The following HSPA6 variants were observed in gnomAD, a reference collection of about 807,000 sequenced individuals.
The protein encoded by HSPA6 is heat shock protein family A (Hsp70) member 6.
For missense variants in HSPA6, 718 were observed against 860.9 expected, an observed-to-expected ratio of 0.83 and a Z score of 2.08; for synonymous variants, 312 against 368.2, an observed-to-expected ratio of 0.85 and a Z score of 1.75.
At position 161,524,566 on chromosome 1, in the gene HSPA6, A is replaced by T; in HGVS notation, c.-93A>T. 1 of 1,403,396 alleles carries T rather than the reference A, an allele frequency of 7.1e-7. No individual in the cohort carries two copies. The highest frequency in any genetic ancestry group is 9.7e-7 in the Non-Finnish European group (1 of 1,027,912). 86.9% of individuals were successfully genotyped at this position (1,403,396 alleles called of 1,614,324 possible). A position where few individuals can be genotyped will look rare whatever the true frequency, so the allele number is the denominator to read the frequency against. On this transcript the variant is annotated 5_prime_UTR_variant, in exon 1 of 1. Coordinates refer to ENST00000309758, the MANE Select transcript of HSPA6 (RefSeq NM_002155.5). ...GATCCGAGCCGGGCTGGCTGCAGAG[A>T]AACCGCAGGGAGAGCCTCACTGCTG...
rs11577457 is a variant in HSPA6, at chr1:161,525,976, G to A, written c.1318G>A (p.Val440Ile). The A allele has an allele frequency of 1.1e-4, 170 of 1,613,610 alleles. 1 individual carries two copies. The highest frequency in any genetic ancestry group is 1.4e-4 in the Non-Finnish European group (160 of 1,179,872). The change falls in exon 1 of 1, where the codon GTC becomes ATC. Residue 440 changes from valine to isoleucine, a missense_variant. Transcript: ENST00000309758. ...FTTYSDNQPG[V>I]FIQVYEGERA... ...CACCTACTCGGACAACCAGCCTGGGGTCTTCATCCAGGTGTATGAGGGTGA... is the reference window on the plus strand; with the variant it reads ...CACCTACTCGGACAACCAGCCTGGGATCTTCATCCAGGTGTATGAGGGTGA...
Position 161,525,829 on chromosome 1 carries a change from C to T in HSPA6, c.1171C>T (p.Gln391Ter), listed in dbSNP as rs748002346. The T allele has an allele frequency of 8.8e-6, 14 of 1,594,014 alleles. No individual in the cohort carries two copies. Among genetic ancestry groups the T allele is most frequent in the Admixed American group, 1.8e-5 (1 of 57,034 alleles). ...GATGGGGGACAAATGTGAGAAAGTG[C>T]AGGATCTCCTGCTGCTGGATGTGGC... ...VLMGDKCEKV[Q>*]DLLLLDVAPL... Residue 391 changes from glutamine (Q) to a stop codon, truncating the protein, a stop_gained, in exon 1 of 1, where the codon CAG (glutamine) becomes TAG (stop). Coordinates refer to ENST00000309758, the MANE Select transcript of HSPA6 (RefSeq NM_002155.5). LOFTEE classifies it low-confidence loss of function (END_TRUNC).
rs1015254375 is a variant in HSPA6, at chr1:161,526,189, C to T, written c.1531C>T (p.Arg511Trp). ...GATCACCATCACCAATGACAAGGGC[C>T]GGCTGAGCAAGGAGGAGGTGGAGAG... ...NKITITNDKGRLSKEEVERMV... is the reference protein window; with the variant it reads ...NKITITNDKGWLSKEEVERMV... Residue 511 changes from arginine (R) to tryptophan (W), a missense_variant, in exon 1 of 1, where the codon CGG (arginine) becomes TGG (tryptophan). Transcript: ENST00000309758. 16 of 1,613,656 alleles carry T rather than the reference C, an allele frequency of 9.9e-6. No homozygotes were observed. Among genetic ancestry groups the T allele is most frequent in the African/African-American group, 8.0e-5 (6 of 74,794 alleles).
Position 161,525,961 on chromosome 1 carries a change from G to C in HSPA6, c.1303G>C (p.Asp435His), listed in dbSNP as rs745403310. 30 of 1,613,366 alleles carry C rather than the reference G, an allele frequency of 1.9e-5. No homozygotes were observed. The highest frequency in any genetic ancestry group is 2.3e-5 in the Non-Finnish European group (27 of 1,179,770). The stretch of plus-strand genomic sequence containing the variant: ...GACCCAGACTTTCACCACCTACTCG[G>C]ACAACCAGCCTGGGGTCTTCATCCA... Reference protein sequence around the residue: ...KQTQTFTTYSDNQPGVFIQVY... With the variant: ...KQTQTFTTYSHNQPGVFIQVY... The change falls in exon 1 of 1, where the codon GAC (aspartate) becomes CAC (histidine). Residue 435 changes from aspartate (D) to histidine (H), a missense_variant. Physicochemically the swap from Asp to His is moderately conservative, Grantham distance 81. Transcript: ENST00000309758.
chr1:161,525,957 C>T lies in HSPA6; in HGVS notation c.1299C>T (p.Tyr433=). The T allele has an allele frequency of 6.2e-7, 1 of 1,613,484 alleles. No individual in the cohort carries two copies. ...AGCAGACCCAGACTTTCACCACCTA[C>T]TCGGACAACCAGCCTGGGGTCTTCA... ...PTKQTQTFTT[Y]SDNQPGVFIQ... The change falls in exon 1 of 1, where the codon TAC becomes TAT. Residue 433 remains tyrosine (Y), a synonymous_variant. Transcript: ENST00000309758.
chr1:161,526,401 C>T lies in HSPA6; in HGVS notation c.1743C>T (p.Ala581=), dbSNP rs1365529634. 1 of 1,593,942 alleles carries T rather than the reference C, an allele frequency of 6.3e-7. No individual in the cohort carries two copies. Among genetic ancestry groups the T allele is most frequent in the South Asian group, 1.1e-5 (1 of 88,676 alleles). Residue 581 remains alanine (A), a synonymous_variant, in exon 1 of 1, where the codon GCC becomes GCT. Coordinates refer to ENST00000309758, the MANE Select transcript of HSPA6 (RefSeq NM_002155.5). The part of the protein sequence containing the change: ...KMQDKCREVL[A]WLEHNQLAEK... ...AAGACAAGTGTCGGGAAGTCCTTGC[C>T]TGGCTGGAGCACAACCAGCTGGCAG... is the stretch of plus-strand genomic sequence containing the variant.
rs746945909 is a variant in HSPA6, at chr1:161,525,006, C to T, written c.348C>T (p.Phe116=). The change falls in exon 1 of 1, where the codon TTC becomes TTT. Residue 116 remains phenylalanine (F), a synonymous_variant. Coordinates refer to ENST00000309758, the MANE Select transcript of HSPA6 (RefSeq NM_002155.5). The part of the protein sequence containing the change: ...RVCYRGEDKT[F]YPEEISSMVL... Reference sequence around the variant, plus strand: ...GCTACCGCGGGGAGGACAAGACGTTCTACCCCGAGGAGATCTCGTCCATGG... The same window carrying T: ...GCTACCGCGGGGAGGACAAGACGTTTTACCCCGAGGAGATCTCGTCCATGG... 3 of 1,612,854 alleles carry T rather than the reference C, an allele frequency of 1.9e-6. No individual in the cohort carries two copies. Among genetic ancestry groups the T allele is most frequent in the Admixed American group, 1.7e-5 (1 of 59,884 alleles).
rs543491153 is a variant in HSPA6, at chr1:161,525,542, T to C, written c.884T>C (p.Phe295Ser). The change falls in exon 1 of 1, where the codon TTC (phenylalanine) becomes TCC (serine). Residue 295 changes from phenylalanine (F) to serine (S), a missense_variant. Transcript: ENST00000309758. ...EIDSLFEGVD[F>S]YTSITRARFE... ...GACTCCCTGTTCGAGGGCGTGGACTTCTACACGTCCATCACTCGTGCCCGC... is the reference window on the plus strand; with the variant it reads ...GACTCCCTGTTCGAGGGCGTGGACTCCTACACGTCCATCACTCGTGCCCGC... 3.2e-4 allele frequency: 512 copies of C among 1,613,590 alleles called. 13 individuals carry two copies. The South Asian group carries it at 5.1e-3, about 16-fold the overall frequency.
Position 161,525,934 on chromosome 1 carries a change from C to T in HSPA6, c.1276C>T (p.Gln426Ter). 1.9e-6 allele frequency: 3 copies of T among 1,611,518 alleles called. No homozygotes were observed. The highest frequency in any genetic ancestry group is 2.5e-6 in the Non-Finnish European group (3 of 1,178,628). ...IQRNATIPTK[Q>*]TQTFTTYSDN... ...GAGGAACGCCACTATCCCCACCAAG[C>T]AGACCCAGACTTTCACCACCTACTC... The change falls in exon 1 of 1, where the codon CAG becomes TAG. Residue 426 changes from glutamine to a stop codon, truncating the protein, a stop_gained. Transcript: ENST00000309758. LOFTEE classifies it low-confidence loss of function (END_TRUNC).
In HSPA6 at chr1:161,524,638, A is replaced by T. The variant is rs41297692; in HGVS notation, c.-21A>T. 2.8e-3 allele frequency: 3,518 copies of T among 1,273,790 alleles called. 11 individuals are homozygous for T. Among genetic ancestry groups the T allele is most frequent in the Non-Finnish European group, 3.5e-3 (3,271 of 938,066 alleles). 78.9% of individuals were successfully genotyped at this position (1,273,790 alleles called of 1,614,324 possible). On this transcript the variant is annotated 5_prime_UTR_variant, in exon 1 of 1. Coordinates refer to ENST00000309758, the MANE Select transcript of HSPA6 (RefSeq NM_002155.5). ...GGCAGCAGCCTCCGTGGCCTCCAGC[A>T]TCCGACAAGAAGCTTCAGCCATGCA...
chr1:161,525,992 A>G lies in HSPA6; in HGVS notation c.1334A>G (p.Tyr445Cys), dbSNP rs145456895. 1,412 of 1,613,762 alleles carry G rather than the reference A, an allele frequency of 8.7e-4. 8 individuals are homozygous for G. Among genetic ancestry groups the G allele is most frequent in the Non-Finnish European group, 1.1e-3 (1,306 of 1,179,882 alleles). ...CAGCCTGGGGTCTTCATCCAGGTGT[A>G]TGAGGGTGAGAGGGCCATGACCAAG... ...DNQPGVFIQVYEGERAMTKDN... is the reference protein window; with the variant it reads ...DNQPGVFIQVCEGERAMTKDN... The change falls in exon 1 of 1, where the codon TAT becomes TGT. Residue 445 changes from tyrosine (Y) to cysteine (C), a missense_variant. Coordinates refer to ENST00000309758, the MANE Select transcript of HSPA6 (RefSeq NM_002155.5).
In HSPA6 at chr1:161,524,746, A is replaced by T; in HGVS notation, c.88A>T (p.Ile30Phe). The change falls in exon 1 of 1, where the codon ATC becomes TTC. Residue 30 changes from isoleucine to phenylalanine, a missense_variant. Coordinates refer to ENST00000309758, the MANE Select transcript of HSPA6 (RefSeq NM_002155.5). ...VGVFQQGRVE[I>F]LANDQGNRTT... ...CGTGTTTCAGCAGGGCCGCGTGGAG[A>T]TCCTGGCCAACGACCAGGGCAACCG... is the stretch of plus-strand genomic sequence containing the variant. The T allele has an allele frequency of 2.0e-6, 3 of 1,504,550 alleles. No homozygotes were observed. The highest frequency in any genetic ancestry group is 2.7e-6 in the Non-Finnish European group (3 of 1,105,128). 93.2% of individuals were successfully genotyped at this position (1,504,550 alleles called of 1,614,324 possible). A position where few individuals can be genotyped will look rare whatever the true frequency, so the allele number is the denominator to read the frequency against.
rs777447518 is a variant in HSPA6, at chr1:161,524,815, G to T, written c.157G>T (p.Val53Phe). The T allele has an allele frequency of 6.9e-6, 11 of 1,602,112 alleles. No individual in the cohort carries two copies. Among genetic ancestry groups the T allele is most frequent in the Non-Finnish European group, 8.5e-6 (10 of 1,173,494 alleles). The change falls in exon 1 of 1, where the codon GTC becomes TTC. Residue 53 changes from valine to phenylalanine, a missense_variant. Val to Phe is a conservative substitution (Grantham distance 50, BLOSUM62 -1). Coordinates refer to ENST00000309758, the MANE Select transcript of HSPA6 (RefSeq NM_002155.5). Reference protein sequence around the residue: ...YVAFTDTERLVGDAAKSQAAL... With the variant: ...YVAFTDTERLFGDAAKSQAAL... ...GGCCTTCACCGACACCGAGCGGCTG[G>T]TCGGGGACGCGGCCAAGAGCCAGGC...
Position 161,526,363 on chromosome 1 carries a change from AG to A in HSPA6, c.1707del (p.Arg569SerfsTer85). 6.2e-7 allele frequency: 1 copy of A among 1,602,800 alleles called. No homozygotes were observed. The highest frequency in any genetic ancestry group is 8.5e-7 in the Non-Finnish European group (1 of 1,173,924). The stretch of plus-strand genomic sequence containing the variant: ...TAGGGACAAGATTCCCGAAGAGGAC[AG>A]GCGCAAAATGCAAGACAAGTGTCGG... ...SLRDKIPEED[R>X]RKMQDKCREV... On this transcript the variant is annotated frameshift_variant, in exon 1 of 1. Transcript: ENST00000309758. LOFTEE classifies it low-confidence loss of function (END_TRUNC).
Position 161,526,151 on chromosome 1 carries a change from G to C in HSPA6, c.1493G>C (p.Gly498Ala), listed in dbSNP as rs1245602509. ...LSVTATDRST[G>A]KANKITITND... ...GTGACAGCCACTGACAGGAGCACAG[G>C]TAAGGCTAACAAGATCACCATCACC... Residue 498 changes from glycine (G) to alanine (A), a missense_variant, in exon 1 of 1, where the codon GGT becomes GCT. Gly to Ala is a moderately conservative substitution (Grantham distance 60). Coordinates refer to ENST00000309758, the MANE Select transcript of HSPA6 (RefSeq NM_002155.5). 2 of 1,613,798 alleles carry C rather than the reference G, an allele frequency of 1.2e-6. No individual in the cohort carries two copies. Among genetic ancestry groups the C allele is most frequent in the Non-Finnish European group, 1.7e-6 (2 of 1,179,850 alleles).
rs1172881003 is a variant in HSPA6 at position 161,525,471 on chromosome 1, C to T, written c.813C>T (p.Arg271=). 6 of 1,613,216 alleles carry T rather than the reference C, an allele frequency of 3.7e-6. No individual in the cohort carries two copies. Among genetic ancestry groups the T allele is most frequent in the Non-Finnish European group, 4.2e-6 (5 of 1,179,638 alleles). ...ALRRLRTACE[R]AKRTLSSSTQ... ...GCAGGCTGCGCACAGCCTGTGAGCG[C>T]GCCAAGCGCACCCTGTCCTCCAGCA... The change falls in exon 1 of 1, where the codon CGC becomes CGT. Residue 271 remains arginine, a synonymous_variant. Coordinates refer to ENST00000309758, the MANE Select transcript of HSPA6 (RefSeq NM_002155.5).
At position 161,525,058 on chromosome 1, in the gene HSPA6, G is replaced by A; in HGVS notation, c.400G>A (p.Glu134Lys). ...MVLSKMKETA[E>K]AYLGQPVKHA... ...GCTGAGCAAGATGAAGGAGACGGCC[G>A]AGGCGTACCTGGGCCAGCCCGTGAA... The change falls in exon 1 of 1, where the codon GAG becomes AAG. Residue 134 changes from glutamate to lysine, a missense_variant. Coordinates refer to ENST00000309758, the MANE Select transcript of HSPA6 (RefSeq NM_002155.5). The A allele has an allele frequency of 6.2e-7, 1 of 1,613,176 alleles. No homozygotes were observed. Among genetic ancestry groups the A allele is most frequent in the South Asian group, 1.1e-5 (1 of 91,006 alleles).
chr1:161,525,233 C>T lies in HSPA6; in HGVS notation c.575C>T (p.Ala192Val). The T allele has an allele frequency of 6.2e-7, 1 of 1,613,966 alleles. No homozygotes were observed. The highest frequency in any genetic ancestry group is 8.5e-7 in the Non-Finnish European group (1 of 1,179,946). The change falls in exon 1 of 1, where the codon GCG becomes GTG. Residue 192 changes from alanine to valine, a missense_variant. Transcript: ENST00000309758. The stretch of plus-strand genomic sequence containing the variant: ...GCCTATGGGCTGGACCGGCGGGGCG[C>T]GGGAGAGCGCAACGTGCTCATTTTT... ...AIAYGLDRRG[A>V]GERNVLIFDL... is the part of the protein sequence containing the mutation.
In HSPA6 at chr1:161,526,770, A is replaced by C. The variant is rs1306388620; in HGVS notation, c.*180A>C. 4.0e-6 allele frequency: 2 copies of C among 503,270 alleles called. No individual in the cohort carries two copies. Among genetic ancestry groups the C allele is most frequent in the Non-Finnish European group, 7.1e-6 (2 of 283,272 alleles). The allele number at this position is 503,270 out of a possible 1,614,324, so 31.2% of individuals were successfully genotyped here. On this transcript the variant is annotated 3_prime_UTR_variant, in exon 1 of 1. Coordinates refer to ENST00000309758, the MANE Select transcript of HSPA6 (RefSeq NM_002155.5). ...AGGGCGGTTCATCCTCTTCTGCTTC[A>C]AATAAAAAGTCATTAATTTATTAAA...
Sources: allele counts gnomAD v4.1 joint callset, GRCh38; gene constraint gnomAD v4.1.1; transcripts MANE v1.5; gene names NCBI Gene and HGNC (gene_info 2026-07-23, HGNC 2026-07-21).